The following USP34 variants were observed in gnomAD, a reference collection of about 807,000 sequenced individuals.
USP34 encodes the protein ubiquitin specific peptidase 34, also known as ubiquitin carboxyl-terminal hydrolase 34.
In USP34, 70 loss-of-function variants were observed where a neutral mutation model predicts 460.3. That is an observed-to-expected ratio of 0.15 (90% confidence interval 0.13 to 0.19). The LOEUF is 0.19. Ranked by LOEUF, USP34 falls within the 10% of genes least tolerant of loss-of-function variation. USP34 has a pLI of 1.00. For missense variants in USP34, 3,985 were observed against 4,236.2 expected (o/e 0.94, Z 1.65); for synonymous variants, 1,647 against 1,405.3 (o/e 1.17, Z -3.85).
chr2:61,200,902 T>G (rs1266012132), intron 75 of USP34: 1 of 152,280 alleles, frequency 6.6e-6, no homozygotes, highest in African/African-American at 2.4e-5. Flanking sequence ...ATGATAGGAT[T>G]GTTTTTAGGA....
chr2:61,335,359 A>G (rs1691385779), intron 18 of USP34, among the ~76,000 whole-genome samples: 1 of 152,244 alleles, frequency 6.6e-6, no homozygotes, highest in African/African-American at 2.4e-5. Context: ...TCAAACTTAC[A>G]TTTCACAAAT....
intron 42 of USP34, 137 bp from the exon 43 acceptor site, chr2:61,265,694 T>A (rs199700656): frequency 2.6e-6 from 2 of 762,592 alleles, no homozygotes; most frequent in African/African-American, 1.8e-5. Context: ...ATTTTTTAAA[T>A]AAAAAAAAAT....
chr2:61,305,912 C>T (rs1690389725), intron 27 of USP34, among the ~76,000 whole-genome samples: 2 of 152,250 alleles, frequency 1.3e-5, no homozygotes, highest in South Asian at 2.1e-4. Context: ...TGTTCATATC[C>T]TTTGCCCACT....
intron 32 of USP34, among the ~76,000 whole-genome samples, chr2:61,294,168 A>AC (rs1689949233): frequency 6.6e-6 from 1 of 151,850 alleles, no homozygotes; most frequent in Non-Finnish European, 1.5e-5. Flanking sequence ...ACATGGTGAA[A>AC]CCCCGTCTCT....
intron 1 of USP34, among the ~76,000 whole-genome samples, chr2:61,449,424 C>T (rs1695206909): frequency 6.6e-6 from 1 of 151,406 alleles, no homozygotes; most frequent in South Asian, 2.1e-4. Context: ...ACCAGAATTC[C>T]AGCTGGCATC....
chr2:61,263,219 C>T (rs1688948118), intron 43 of USP34, among the ~76,000 whole-genome samples: 1 of 129,832 alleles, frequency 7.7e-6, no homozygotes, highest in Non-Finnish European at 1.6e-5. Context: ...TCGCTCTTGT[C>T]CCCAAAGTTT....
intron 1 of USP34, among the ~76,000 whole-genome samples, chr2:61,467,802 T>C (rs1695822814): frequency 6.6e-6 from 1 of 151,760 alleles, no homozygotes; most frequent in Non-Finnish European, 1.5e-5. Context: ...GGTGAATTTT[T>C]AGTAGAGATG....
chr2:61,277,322 G>C (rs1053330939), intron 41 of USP34, among the ~76,000 whole-genome samples: 1 of 148,456 alleles, frequency 6.7e-6, no homozygotes, highest in Admixed American at 6.8e-5. Flanking sequence ...CTGAAGCCTC[G>C]ACCTCCTGAG....
intron 3 of USP34, among the ~76,000 whole-genome samples, chr2:61,396,112 ATAGT>A (rs1187170811): frequency 6.6e-6 from 1 of 152,052 alleles, no homozygotes; most frequent in Non-Finnish European, 1.5e-5. Context: ...AAAATACATG[ATAGT>A]TAAGTGGTTT....
intron 66 of USP34, 136 bp from the exon 67 acceptor site, chr2:61,220,593 AT>A: frequency 1.2e-6 from 1 of 828,104 alleles, no homozygotes; most frequent in Non-Finnish European, 1.7e-6. Context: ...GTTTCACCCT[AT>A]TTTTTTCCCA....
intron 44 of USP34, 50 bp from the exon 45 acceptor site, chr2:61,257,400 T>G: frequency 1.4e-6 from 2 of 1,480,558 alleles, no homozygotes; most frequent in Non-Finnish European, 1.8e-6. Context: ...AATAAGAAAA[T>G]TATAGGTTCT....
chr2:61,465,646 C>T (rs578060724), intron 1 of USP34, among the ~76,000 whole-genome samples: 1 of 152,044 alleles, frequency 6.6e-6, no homozygotes, highest in East Asian at 1.9e-4. Context: ...AGTTTGAGAC[C>T]AGCCTGGGCA....
At chr2:61,309,601 C>A (rs1164143677) in intron 27 of USP34, among the ~76,000 whole-genome samples, 1 of 152,118 alleles carries the variant, frequency 6.6e-6, no homozygotes, top group Admixed American at 6.6e-5. Flanking sequence ...ATTGTCTTTA[C>A]CAAGTGCTAG....
chr2:61,319,083 A>C (rs1007929076), intron 22 of USP34, 90 bp downstream of exon 22: 11 of 519,794 alleles, frequency 2.1e-5, no homozygotes, highest in African/African-American at 1.3e-4. Flanking sequence ...AAAAACTGTC[A>C]AAAAAAAAAA....
Position 61,228,707 on chromosome 2 carries a change from G to C in USP34, c.7381C>G (p.Leu2461Val). 6.2e-7 allele frequency: 1 copy of C among 1,609,802 alleles called. No individual in the cohort carries two copies. Among genetic ancestry groups the C allele is most frequent in the Non-Finnish European group, 8.5e-7 (1 of 1,178,628 alleles). The change falls in exon 61 of 80, where the codon CTT becomes GTT. Residue 2461 changes from leucine to valine, a missense_variant. Transcript: ENST00000398571. ...KMGEEESQFL[L>V]SLQAISTMVH... ...ATTGTAGATATAGCTTGCAATGAAAGCAAAAATTGGCTCTAAACAAACAAA... is the reference window on the plus strand; with the variant it reads ...ATTGTAGATATAGCTTGCAATGAAACCAAAAATTGGCTCTAAACAAACAAA...
intron 15 of USP34, among the ~76,000 whole-genome samples, chr2:61,345,428 G>A (rs1691738501): frequency 6.6e-6 from 1 of 152,144 alleles, no homozygotes; most frequent in Admixed American, 6.5e-5. Flanking sequence ...CAACTTAATT[G>A]CATTCTGGAA....
chr2:61,429,758 G>A (rs1694613100), intron 1 of USP34, among the ~76,000 whole-genome samples: 1 of 152,178 alleles, frequency 6.6e-6, no homozygotes, highest in Admixed American at 6.5e-5. Context: ...CCAGATGTAA[G>A]TAGTACATAA....
At chr2:61,417,697 T>A (rs72815518) in intron 2 of USP34, among the ~76,000 whole-genome samples, 9,390 of 148,840 alleles carry the variant, frequency 0.063, 503 homozygotes, top group South Asian at 0.24. Flanking sequence ...TAAGAAAAAA[T>A]ATATATATAA....
chr2:61,429,488 G>T (rs977144381), intron 1 of USP34, among the ~76,000 whole-genome samples: 1 of 152,086 alleles, frequency 6.6e-6, no homozygotes, highest in African/African-American at 2.4e-5. Context: ...TTAGCTGGGT[G>T]TGGTAGCATG....
Sources: allele counts gnomAD v4.1 joint callset (sites outside exome capture counted in the v4.1 genomes callset), GRCh38; gene constraint gnomAD v4.1.1; transcripts MANE v1.5; gene names NCBI Gene and HGNC (gene_info 2026-07-23, HGNC 2026-07-21).